The following CCSER1 variants were observed in gnomAD, a reference collection of about 807,000 sequenced individuals.
CCSER1 encodes the protein serine-rich coiled-coil domain-containing protein 1.
A neutral mutation model predicts 82.0 loss-of-function variants in CCSER1; 41 were observed. The ratio of observed to expected loss-of-function variants is 0.50; its 90% CI spans 0.39 to 0.65. The LOEUF is 0.65. CCSER1 is among the 30% of genes least tolerant of loss of function. The pLI, the probability that CCSER1 is intolerant of heterozygous loss-of-function variation, is 0.00. For synonymous variants in CCSER1, 414 were observed against 383.9 expected (o/e 1.08, Z -0.92); for missense variants, 1,119 against 1,064.2 (o/e 1.05, Z -0.72).
chr4:91,193,431 C>T (rs1735163591), intron 10 of CCSER1, among the ~76,000 whole-genome samples: 1 of 152,106 alleles, frequency 6.6e-6, no homozygotes, highest in South Asian at 2.1e-4. Flanking sequence ...TGAAGAGTTC[C>T]ACTTCCCAGT....
intron 3 of CCSER1, among the ~76,000 whole-genome samples, chr4:90,390,860 A>G (rs1269416925): frequency 6.6e-6 from 1 of 152,186 alleles, no homozygotes; most frequent in Non-Finnish European, 1.5e-5. Flanking sequence ...AGAAATCTCC[A>G]AACTCTTTTC....
rs568555046 is a variant in CCSER1 at position 90,154,886 on chromosome 4, A to G, written c.-42+27055A>G. ...TACCCTTTATTTCCTTCTCCTGCCT[A>G]ATTGCCCTGGCCAGAACTTCCAACA... On this transcript the variant is annotated intron_variant, in intron 1 of 10. Coordinates refer to ENST00000509176, the MANE Select transcript of CCSER1 (RefSeq NM_001145065.2). Among the ~76,000 whole-genome samples, 1,202 of 151,760 alleles carry G rather than the reference A, an allele frequency of 7.9e-3. 5 individuals are homozygous for G. The highest frequency in any genetic ancestry group is 0.017 in the Middle Eastern group (5 of 294).
chr4:91,549,635 G>A (rs921430736), intron 10 of CCSER1, among the ~76,000 whole-genome samples: 8 of 152,038 alleles, frequency 5.3e-5, no homozygotes, highest in Admixed American at 1.3e-4. Flanking sequence ...TCAGGAGTTC[G>A]AGACCAGCTT....
intron 9 of CCSER1, among the ~76,000 whole-genome samples, chr4:90,936,955 A>T (rs960769596): frequency 6.6e-6 from 1 of 152,148 alleles, no homozygotes; most frequent in Non-Finnish European, 1.5e-5. Context: ...AGTTATGTAA[A>T]AGAAAAAAAA....
At chr4:90,937,780 T>C (rs1242388489) in intron 9 of CCSER1, among the ~76,000 whole-genome samples, 1 of 152,154 alleles carries the variant, frequency 6.6e-6, no homozygotes, top group Non-Finnish European at 1.5e-5. Context: ...AAGCTCCAAT[T>C]TCATATCCTT....
In CCSER1 at chr4:90,413,681, G is replaced by T. The variant is rs190079288; in HGVS notation, c.1603+13552G>T. On this transcript the variant is annotated intron_variant, in intron 4 of 10. Transcript: ENST00000509176. ...AATAAAGAGTCCTAAATTAATATATGTTCCTCCCTCACGCCTGTAATCCCA... is the reference window on the plus strand; with the variant it reads ...AATAAAGAGTCCTAAATTAATATATTTTCCTCCCTCACGCCTGTAATCCCA... Among the ~76,000 whole-genome samples, 1,144 of 151,474 alleles carry T rather than the reference G, an allele frequency of 7.6e-3. 11 individuals carry two copies. Among genetic ancestry groups the T allele is most frequent in the Middle Eastern group, 0.038 (11 of 292 alleles).
intron 10 of CCSER1, among the ~76,000 whole-genome samples, chr4:91,141,786 C>T (rs1729057842): frequency 6.6e-6 from 1 of 152,166 alleles, no homozygotes; most frequent in African/African-American, 2.4e-5. Context: ...GCCTCACCAA[C>T]AGTTGTTTTT....
In CCSER1 at chr4:91,464,632, A is replaced by G. The variant is rs577281281; in HGVS notation, c.2218-133940A>G. ...CCATCTCACATGCAGAGACACGCAT[A>G]GGCTCAAAATAAAGGGATGGAGGAA... On this transcript the variant is annotated intron_variant, in intron 10 of 10. Transcript: ENST00000509176. 3.9e-5 allele frequency among the ~76,000 whole-genome samples: 6 copies of G among 152,340 alleles called. No individual in the cohort carries two copies. The South Asian group carries it at 1.0e-3, about 26-fold the overall frequency.
At chr4:90,596,867 C>G (rs1225220970) in intron 5 of CCSER1, among the ~76,000 whole-genome samples, 1 of 151,742 alleles carries the variant, frequency 6.6e-6, no homozygotes, top group East Asian at 1.9e-4. Context: ...ATAATACAAT[C>G]TATGATGAAT....
intron 8 of CCSER1, among the ~76,000 whole-genome samples, chr4:90,860,464 G>A (rs1764953878): frequency 6.6e-6 from 1 of 151,598 alleles, no homozygotes; most frequent in Non-Finnish European, 1.5e-5. Context: ...GTTAAATATA[G>A]AGTTAACATT....
At chr4:90,614,893 G>C (rs1232674577) in intron 5 of CCSER1, among the ~76,000 whole-genome samples, 1 of 152,172 alleles carries the variant, frequency 6.6e-6, no homozygotes, top group East Asian at 1.9e-4. Flanking sequence ...TGCCATCTGG[G>C]ACTTTCATAG....
chr4:91,163,858 A>G (rs935086383), intron 10 of CCSER1, among the ~76,000 whole-genome samples: 2 of 152,160 alleles, frequency 1.3e-5, no homozygotes, highest in Admixed American at 1.3e-4. Flanking sequence ...TGAATACAGC[A>G]CACTGATGGG....
chr4:91,255,410 G>A (rs887032447), intron 10 of CCSER1, among the ~76,000 whole-genome samples: 1 of 151,952 alleles, frequency 6.6e-6, no homozygotes, highest in Non-Finnish European at 1.5e-5. Flanking sequence ...AGTTGATAGT[G>A]AGTTTTCAAA....
At chr4:90,879,982 A>C (rs1036306537) in intron 8 of CCSER1, among the ~76,000 whole-genome samples, 1 of 152,158 alleles carries the variant, frequency 6.6e-6, no homozygotes, top group Non-Finnish European at 1.5e-5. Context: ...TTTTGGAAGA[A>C]AGTATGCTAG....
chr4:90,606,893 T>C (rs1277650890), intron 5 of CCSER1, among the ~76,000 whole-genome samples: 1 of 152,208 alleles, frequency 6.6e-6, no homozygotes, highest in Non-Finnish European at 1.5e-5. Context: ...GAGGCTGGGC[T>C]TTTGCATTTC....
intron 10 of CCSER1, among the ~76,000 whole-genome samples, chr4:91,145,007 T>C (rs1729409385): frequency 6.6e-6 from 1 of 152,062 alleles, no homozygotes; most frequent in African/African-American, 2.4e-5. Context: ...AGTTCAGTAT[T>C]TCTTTGTTAG....
At chr4:90,309,745 T>G in intron 2 of CCSER1, 137 bp downstream of exon 2, 3 of 668,398 alleles carry the variant, frequency 4.5e-6, no homozygotes, top group Non-Finnish European at 7.3e-6. Context: ...CTATTCATAA[T>G]TTGTGTTAAA....
Position 91,474,757 on chromosome 4 carries a change from ACATG to A in CCSER1, c.2218-123814_2218-123811del, listed in dbSNP as rs145116131. Among the ~76,000 whole-genome samples the A allele has an allele frequency of 7.8e-3, 673 of 86,268 alleles. 3 individuals carry two copies. Among genetic ancestry groups the A allele is most frequent in the East Asian group, 0.011 (18 of 1,628 alleles). The allele number at this position is 86,268 out of a possible 152,430, so 56.6% of individuals were successfully genotyped here. ...TATACATACATGCACACACACACAC[ACATG>A]TGTGTGTATATATATATATATTTGT... On this transcript the variant is annotated intron_variant, in intron 10 of 10. Transcript: ENST00000509176.
chr4:90,706,758 T>A (rs11932028), intron 6 of CCSER1, among the ~76,000 whole-genome samples: 34,496 of 152,168 alleles, frequency 0.23, 4,936 homozygotes, highest in African/African-American at 0.4. Flanking sequence ...ATTCTTTCTG[T>A]TTATTCTGCT....
Sources: gnomAD v4.1 joint callset for allele counts (sites outside exome capture counted in the v4.1 genomes callset) on GRCh38, gnomAD v4.1.1 for gene constraint, MANE v1.5 for transcripts, NCBI Gene and HGNC (gene_info 2026-07-23, HGNC 2026-07-21) for gene names.